The following CAMK1G variants were observed in gnomAD, a reference collection of about 807,000 sequenced individuals.
CAMK1G encodes the protein calcium/calmodulin-dependent protein kinase type 1G.
A neutral mutation model predicts 54.8 loss-of-function variants in CAMK1G; 27 were observed. That is an observed-to-expected ratio of 0.49 (90% CI 0.36 to 0.68). The LOEUF (loss-of-function observed/expected upper bound fraction) is 0.68. Ranked by LOEUF, CAMK1G falls within the 30% of genes least tolerant of loss-of-function variation. CAMK1G has a pLI of 0.00. For missense variants in CAMK1G, 512 were observed against 591.0 expected (o/e 0.87, Z 1.39); for synonymous variants, 238 against 224.9 (o/e 1.06, Z -0.52).
At chr1:209,595,281 T>A (rs1665351720) in intron 2 of CAMK1G, among the ~76,000 whole-genome samples, 1 of 152,064 alleles carries the variant, frequency 6.6e-6, no homozygotes, top group African/African-American at 2.4e-5. Context: ...ATACCAAAGA[T>A]GATTTAATAC....
Position 209,611,957 on chromosome 1 carries a change from C to T in CAMK1G, c.1081C>T (p.Leu361=), listed in dbSNP as rs765465610. ...PEITITEAPV[L]DHSVALPALT... ...GATCACCATCACCGAGGCACCTGTCCTGGACCACAGTGTAGCACTCCCTGC... is the reference window on the plus strand; with the variant it reads ...GATCACCATCACCGAGGCACCTGTCTTGGACCACAGTGTAGCACTCCCTGC... The change falls in exon 11 of 13, where the codon CTG becomes TTG. Residue 361 remains leucine (L), a synonymous_variant. Transcript: ENST00000361322. 1.2e-6 allele frequency: 2 copies of T among 1,614,268 alleles called. No individual in the cohort carries two copies. Among genetic ancestry groups the T allele is most frequent in the Non-Finnish European group, 1.7e-6 (2 of 1,180,048 alleles).
At chr1:209,602,489 G>A (rs572759858) in intron 3 of CAMK1G, among the ~76,000 whole-genome samples, 12 of 152,180 alleles carry the variant, frequency 7.9e-5, no homozygotes, top group Non-Finnish European at 1.6e-4. Flanking sequence ...CCCTCCCATT[G>A]TATACAGGTT....
chr1:209,612,669 C>A, intron 11 of CAMK1G, 116 bp from the exon 12 acceptor site: 1 of 794,754 alleles, frequency 1.3e-6, no homozygotes, highest in Non-Finnish European at 2.1e-6. Context: ...TTCTGAACCT[C>A]ATGAGGGGAG....
intron 7 of CAMK1G, 129 bp downstream of exon 7, chr1:209,608,062 G>A (rs924719681): frequency 6.2e-6 from 4 of 650,274 alleles, no homozygotes; most frequent in Non-Finnish European, 8.2e-6. Context: ...CAGGCACAGG[G>A]GCACACGGGT....
At position 209,611,905 on chromosome 1, in the gene CAMK1G, A is replaced by G. The variant is rs1196782179; in HGVS notation, c.1029A>G (p.Ser343=). Residue 343 remains serine, a synonymous_variant, in exon 11 of 13, where the codon TCA becomes TCG. Transcript: ENST00000361322. ...ACAGGCCGCCTGAAACTCAAGCCTC[A>G]GAAACCTCTAGACCCAGCTCCCCTG... ...VENRPPETQA[S]ETSRPSSPEI... 1.9e-6 allele frequency: 3 copies of G among 1,614,254 alleles called. No homozygotes were observed. The highest frequency in any genetic ancestry group is 1.7e-6 in the Non-Finnish European group (2 of 1,180,048).
chr1:209,586,140 C>T (rs778079514), intron 1 of CAMK1G, among the ~76,000 whole-genome samples: 17 of 152,154 alleles, frequency 1.1e-4, no homozygotes, highest in South Asian at 4.1e-4. Flanking sequence ...CCTTCCTCTC[C>T]CCTTCTGGAA....
intron 8 of CAMK1G, 84 bp from the exon 9 acceptor site, chr1:209,609,767 C>A: frequency 7.3e-7 from 1 of 1,364,710 alleles, no homozygotes; most frequent in Non-Finnish European, 1.0e-6. Context: ...GATGCATTCA[C>A]TGCCACCCAC....
At chr1:209,612,576 C>T (rs1247553992) in intron 11 of CAMK1G, among the ~76,000 whole-genome samples, 4 of 152,182 alleles carry the variant, frequency 2.6e-5, no homozygotes, top group East Asian at 1.9e-4. Flanking sequence ...TCAGATTCCC[C>T]GAGTTTCCAG....
chr1:209,588,354 ATGGATTGGATTGGAT>A (rs56898431), intron 1 of CAMK1G, among the ~76,000 whole-genome samples: 42,321 of 147,028 alleles, frequency 0.29, 6,404 homozygotes, highest in Non-Finnish European at 0.3. Context: ...GTGGAGCGGA[ATGGATTGGATTGGAT>A]TGGATTGGAT....
chr1:209,590,722 T>G (rs1353328454), intron 1 of CAMK1G, among the ~76,000 whole-genome samples: 1 of 152,034 alleles, frequency 6.6e-6, no homozygotes, highest in Non-Finnish European at 1.5e-5. Context: ...CCTGTTGTTC[T>G]GTGGAGAGGG....
Position 209,603,267 on chromosome 1 carries a change from A to G in CAMK1G, c.275A>G (p.His92Arg). 6.2e-7 allele frequency: 1 copy of G among 1,614,038 alleles called. No individual in the cohort carries two copies. The change falls in exon 4 of 13, where the codon CAC becomes CGC. Residue 92 changes from histidine to arginine, a missense_variant. Coordinates refer to ENST00000361322, the MANE Select transcript of CAMK1G (RefSeq NM_020439.3). ...GAGGACATCTATGAGAGCACCACCC[A>G]CTACTACCTGGTCATGCAGCTGTAA... is the stretch of plus-strand genomic sequence containing the variant. ...TLEDIYESTT[H>R]YYLVMQLVSG...
rs1665839954 is a variant in CAMK1G, at chr1:209,613,516, T to C, written c.*514T>C. The C allele has an allele frequency of 6.6e-6, 1 of 152,398 alleles. No homozygotes were observed. Among genetic ancestry groups the C allele is most frequent in the South Asian group, 2.1e-4 (1 of 4,818 alleles). The allele number at this position is 152,398 out of a possible 1,614,324, so 9.4% of individuals were successfully genotyped here. A position where few individuals can be genotyped will look rare whatever the true frequency, so the allele number is the denominator to read the frequency against. On this transcript the variant is annotated 3_prime_UTR_variant, in exon 13 of 13. Coordinates refer to ENST00000361322, the MANE Select transcript of CAMK1G (RefSeq NM_020439.3). Reference sequence around the variant, plus strand: ...GCTCATTAATGTCGTTGCCTGCCCATCTGCATGAATGACAGGCAGCTCCCC... The same window carrying C: ...GCTCATTAATGTCGTTGCCTGCCCACCTGCATGAATGACAGGCAGCTCCCC...
At position 209,605,618 on chromosome 1, in the gene CAMK1G, G is replaced by A. The variant is rs757329417; in HGVS notation, c.379G>A (p.Val127Ile). ...GGATGCCAGTCTGGTGATCCAGCAG[G>A]TCTTGTCGGCAGTGAAATACCTACA... Reference protein sequence around the residue: ...EKDASLVIQQVLSAVKYLHEN... With the variant: ...EKDASLVIQQILSAVKYLHEN... Residue 127 changes from valine (V) to isoleucine (I), a missense_variant, in exon 5 of 13, where the codon GTC becomes ATC. Val to Ile is a conservative substitution (Grantham distance 29). Coordinates refer to ENST00000361322, the MANE Select transcript of CAMK1G (RefSeq NM_020439.3). 5.6e-6 allele frequency: 9 copies of A among 1,614,056 alleles called. No homozygotes were observed. Among genetic ancestry groups the A allele is most frequent in the African/African-American group, 2.7e-5 (2 of 74,930 alleles).
intron 1 of CAMK1G, among the ~76,000 whole-genome samples, chr1:209,586,721 G>A (rs1290412213): frequency 6.6e-6 from 1 of 152,098 alleles, no homozygotes; most frequent in East Asian, 1.9e-4. Context: ...ATAGAGCAGG[G>A]ATCATTATTC....
rs1665690511 is a variant in CAMK1G, at chr1:209,607,911, A to G, written c.613A>G (p.Ile205Val). 2.5e-6 allele frequency: 4 copies of G among 1,613,590 alleles called. No homozygotes were observed. Among genetic ancestry groups the G allele is most frequent in the Middle Eastern group, 3.3e-4 (2 of 6,056 alleles). The change falls in exon 7 of 13, where the codon ATC (isoleucine) becomes GTC (valine). Residue 205 changes from isoleucine to valine, a missense_variant. By Grantham distance (29) the Ile-to-Val change is conservative (BLOSUM62 3). Coordinates refer to ENST00000361322, the MANE Select transcript of CAMK1G (RefSeq NM_020439.3). ...PYSKAVDCWS[I>V]GVITYILLCG... Reference sequence around the variant, plus strand: ...CAGCAAGGCTGTGGATTGCTGGTCCATCGGCGTCATCACCTACATATTGTG... The same window carrying G: ...CAGCAAGGCTGTGGATTGCTGGTCCGTCGGCGTCATCACCTACATATTGTG...
Position 209,595,047 on chromosome 1 carries a change from A to G in CAMK1G, c.64A>G (p.Thr22Ala). 2 of 1,614,076 alleles carry G rather than the reference A, an allele frequency of 1.2e-6. No individual in the cohort carries two copies. The highest frequency in any genetic ancestry group is 8.5e-7 in the Non-Finnish European group (1 of 1,179,988). Residue 22 changes from threonine to alanine, a missense_variant, in exon 2 of 13, where the codon ACC becomes GCC. This residue lies in a region of CAMK1G where 186 missense variants were observed against 231.5 expected (regional missense o/e 0.80). Transcript: ENST00000361322. ...GAAACAGACCACCAACATCCGGAAA[A>G]CCTTCATTTTTATGGAAGTGCTGGG... ...WKKQTTNIRK[T>A]FIFMEVLGSG...
chr1:209,601,598 T>C (rs1478629615), intron 3 of CAMK1G, among the ~76,000 whole-genome samples: 1 of 152,232 alleles, frequency 6.6e-6, no homozygotes, highest in East Asian at 1.9e-4. Context: ...ATGTCATTTT[T>C]CTTATTATTG....
intron 6 of CAMK1G, 128 bp downstream of exon 6, chr1:209,606,571 C>T (rs914339904): frequency 1.9e-6 from 2 of 1,052,376 alleles, no homozygotes; most frequent in Non-Finnish European, 2.7e-6. Context: ...AGGACATCCA[C>T]TTATAAAGTT....
At chr1:209,609,982 C>T in intron 9 of CAMK1G, 53 bp downstream of exon 9, 3 of 1,363,434 alleles carry the variant, frequency 2.2e-6, no homozygotes, top group Non-Finnish European at 3.2e-6. Flanking sequence ...TTCCCAAAAC[C>T]ATGCTGACTC....
Sources: gnomAD v4.1 joint callset for allele counts (sites outside exome capture counted in the v4.1 genomes callset) on GRCh38, gnomAD v4.1.1 for gene constraint, gnomAD v4.1.1 regional missense constraint, MANE v1.5 for transcripts, NCBI Gene and HGNC (gene_info 2026-07-23, HGNC 2026-07-21) for gene names.